Variants in REST observed in about 807,000 individuals in gnomAD.
The protein encoded by REST is RE1 silencing transcription factor, also known as RE1-silencing transcription factor.
A neutral mutation model predicts 30.4 loss-of-function variants in REST; 1 was observed. The observed-to-expected ratio is 0.03, with a 90% CI of 0.01 to 0.16. The LOEUF (loss-of-function observed/expected upper bound fraction) is 0.16. Ranked by LOEUF, REST falls within the 10% of genes least tolerant of loss-of-function variation. The pLI is 1.00. For missense variants in REST, 1,259 were observed against 1,329.5 expected, an observed-to-expected ratio of 0.95 and a Z score of 0.82; for synonymous variants, 504 against 451.1, an observed-to-expected ratio of 1.12 and a Z score of -1.49.
chr4:56,909,547 CCT>C (rs1348557055), intron 1 of REST: 6 of 152,352 alleles, frequency 3.9e-5, no homozygotes, highest in African/African-American at 1.2e-4. Flanking sequence ...CAGCCTTCGC[CCT>C]CTGTTTTCTG....
chr4:56,931,858 T>C lies in REST; in HGVS notation c.3000T>C (p.Asn1000=). 1 of 1,614,082 alleles carries C rather than the reference T, an allele frequency of 6.2e-7. No individual in the cohort carries two copies. The highest frequency in any genetic ancestry group is 1.6e-4 in the Middle Eastern group (1 of 6,062). Residue 1000 remains asparagine (N), a synonymous_variant, in exon 4 of 4, where the codon AAT becomes AAC. Transcript: ENST00000309042. ...LASPPATMAA[N]ESQEIDEDEG... ...CACCTCCTGCTACAATGGCAGCAAA[T>C]GAGTCTCAGGAAATTGATGAAGATG...
intron 2 of REST, among the ~76,000 whole-genome samples, chr4:56,913,456 G>A (rs1720027486): frequency 6.6e-6 from 1 of 152,116 alleles, no homozygotes; most frequent in Non-Finnish European, 1.5e-5. Context: ...GTACATTTGG[G>A]TCCTGATGAA....
At position 56,927,856 on chromosome 4, in the gene REST, T is replaced by C. The variant is rs369180272; in HGVS notation, c.983-1985T>C. On this transcript the variant is annotated intron_variant, in intron 3 of 3. Coordinates refer to ENST00000309042, the MANE Select transcript of REST (RefSeq NM_005612.5). Reference sequence around the variant, plus strand: ...GGGAAAATCAAGAAAGTTTTCTGAATAATTACCTTGGCCTATATTTTTGCT... The same window carrying C: ...GGGAAAATCAAGAAAGTTTTCTGAACAATTACCTTGGCCTATATTTTTGCT... Among the ~76,000 whole-genome samples, 16 of 152,348 alleles carry C rather than the reference T, an allele frequency of 1.1e-4. 1 individual carries two copies. Among genetic ancestry groups the C allele is most frequent in the African/African-American group, 3.6e-4 (15 of 41,590 alleles).
intron 2 of REST, 170 bp downstream of exon 2, chr4:56,911,706 A>G (rs1719921824): frequency 1.7e-6 from 1 of 603,088 alleles, no homozygotes; most frequent in African/African-American, 1.9e-5. Context: ...AAATTTCTCC[A>G]TGGAGTAACA....
intron 3 of REST, among the ~76,000 whole-genome samples, chr4:56,926,308 C>G (rs936885651): frequency 1.9e-4 from 29 of 152,086 alleles, no homozygotes; most frequent in Non-Finnish European, 3.5e-4. Context: ...CTCCTGACCT[C>G]TTGATTCGCC....
intron 2 of REST, among the ~76,000 whole-genome samples, chr4:56,915,320 A>G (rs566330725): frequency 7.7e-6 from 1 of 129,468 alleles, no homozygotes; most frequent in Admixed American, 9.6e-5. Flanking sequence ...ATCTCTGTTC[A>G]CTGCAACCTC....
chr4:56,909,862 G>T (rs976425485), intron 1 of REST, among the ~76,000 whole-genome samples: 1 of 152,174 alleles, frequency 6.6e-6, no homozygotes, highest in Non-Finnish European at 1.5e-5. Flanking sequence ...GAGTTGAGTT[G>T]CACGATGATT....
chr4:56,914,598 T>C (rs1378661521), intron 2 of REST, among the ~76,000 whole-genome samples: 2 of 152,222 alleles, frequency 1.3e-5, no homozygotes, highest in Non-Finnish European at 2.9e-5. Flanking sequence ...GACAGACTGT[T>C]AGACTAAACC....
chr4:56,912,722 C>T (rs938576990), intron 2 of REST, among the ~76,000 whole-genome samples: 2 of 152,154 alleles, frequency 1.3e-5, no homozygotes, highest in Non-Finnish European at 2.9e-5. Flanking sequence ...CCATGTTGCC[C>T]AGGCTGGTCT....
chr4:56,910,085 G>T (rs1719826550), intron 1 of REST, among the ~76,000 whole-genome samples: 2 of 152,114 alleles, frequency 1.3e-5, no homozygotes. Context: ...TATTCTTTTG[G>T]AGTTAGTTGA....
At chr4:56,916,776 T>G (rs1216314284) in intron 2 of REST, among the ~76,000 whole-genome samples, 2 of 152,272 alleles carry the variant, frequency 1.3e-5, no homozygotes, top group Non-Finnish European at 2.9e-5. Context: ...GTTCTGAATA[T>G]TTCACACAAG....
chr4:56,911,580 ATTGT>A (rs770432388), intron 2 of REST, 44 bp downstream of exon 2: 1 of 1,506,084 alleles, frequency 6.6e-7, no homozygotes, highest in Non-Finnish European at 9.1e-7. Flanking sequence ...CTCTTTTCTG[ATTGT>A]TACTTGAGTG....
chr4:56,929,950 A>C lies in REST; in HGVS notation c.1092A>C (p.Pro364=). The C allele has an allele frequency of 1.2e-6, 2 of 1,614,210 alleles. No individual in the cohort carries two copies. Among genetic ancestry groups the C allele is most frequent in the Non-Finnish European group, 1.7e-6 (2 of 1,180,044 alleles). Residue 364 remains proline, a synonymous_variant, in exon 4 of 4, where the codon CCA becomes CCC. Transcript: ENST00000309042. ...ATGGGCCTAAACCTCTTAATTGCCCACACTGTGATTACAAAACAGCAGATA... is the reference window on the plus strand; with the variant it reads ...ATGGGCCTAAACCTCTTAATTGCCCCCACTGTGATTACAAAACAGCAGATA... The part of the protein sequence containing the change: ...VHNGPKPLNC[P]HCDYKTADRS...
chr4:56,918,443 C>T (rs564486731), intron 2 of REST, among the ~76,000 whole-genome samples: 56 of 151,840 alleles, frequency 3.7e-4, no homozygotes, highest in Non-Finnish European at 7.4e-4. Context: ...GCAGAAGCTA[C>T]GTTCATGCCA....
In REST at chr4:56,930,219, A is replaced by G. The variant is rs780685597; in HGVS notation, c.1361A>G (p.Lys454Arg). Residue 454 changes from lysine (K) to arginine (R), a missense_variant, in exon 4 of 4, where the codon AAA becomes AGA. Transcript: ENST00000309042. ...ACAGAAATAGAACAAACAAAAATAA[A>G]AGGGGATGTGGCTGGAAAGAAAAAT... is the stretch of plus-strand genomic sequence containing the variant. ...EKTEIEQTKI[K>R]GDVAGKKNEK... 2 of 1,606,650 alleles carry G rather than the reference A, an allele frequency of 1.2e-6. No individual in the cohort carries two copies. The highest frequency in any genetic ancestry group is 2.3e-5 in the South Asian group (2 of 88,766).
intron 3 of REST, chr4:56,922,304 TATTATTATTAC>T (rs1378553770): frequency 1.3e-4 from 18 of 136,968 alleles, no homozygotes; most frequent in Admixed American, 2.4e-4. Context: ...TTATTATTAT[TATTATTATTAC>T]TTTTTTTTTT....
At chr4:56,919,165 A>C (rs1042855229) in intron 2 of REST, among the ~76,000 whole-genome samples, 1 of 152,004 alleles carries the variant, frequency 6.6e-6, no homozygotes, top group Non-Finnish European at 1.5e-5. Flanking sequence ...TCAGCCTCCC[A>C]AAGTGCTGGG....
In REST at chr4:56,930,079, C is replaced by T. The variant is rs1363020019; in HGVS notation, c.1221C>T (p.His407=). The T allele has an allele frequency of 6.2e-7, 1 of 1,613,998 alleles. No homozygotes were observed. Among genetic ancestry groups the T allele is most frequent in the Admixed American group, 1.7e-5 (1 of 59,976 alleles). ...AASKKCNLQY[H]FKSKHPTCPN... is the part of the protein sequence containing the mutation. ...CCAAGAAGTGTAATCTACAGTATCA[C>T]TTCAAATCTAAGCATCCTACTTGTC... Residue 407 remains histidine (H), a synonymous_variant, in exon 4 of 4, where the codon CAC becomes CAT. Transcript: ENST00000309042.
At chr4:56,925,075 G>C (rs1319193221) in intron 3 of REST, among the ~76,000 whole-genome samples, 1 of 149,910 alleles carries the variant, frequency 6.7e-6, no homozygotes, top group Non-Finnish European at 1.5e-5. Context: ...TGAGACAGGA[G>C]AATCACTTGA....
Sources: allele counts gnomAD v4.1 joint callset (sites outside exome capture counted in the v4.1 genomes callset), GRCh38; gene constraint gnomAD v4.1.1; transcripts MANE v1.5; gene names NCBI Gene and HGNC (gene_info 2026-07-23, HGNC 2026-07-21).